CLASP2: variants seen among roughly 807,000 people sequenced by gnomAD.
CLASP2 encodes CLIP-associating protein 2.
CLASP2 carries 47 observed loss-of-function variants against 194.4 expected under a neutral mutation model. The observed-to-expected ratio is 0.24, with a 90% CI of 0.19 to 0.31. The LOEUF (loss-of-function observed/expected upper bound fraction) is 0.31. Ranked by LOEUF, CLASP2 falls within the 10% of genes least tolerant of loss-of-function variation. CLASP2 has a pLI of 1.00. For missense variants in CLASP2, 1,445 were observed against 1,823.6 expected (o/e 0.79, Z 3.78); for synonymous variants, 619 against 633.5 (o/e 0.98, Z 0.34).
chr3:33,698,237 T>C (rs2092099637), intron 1 of CLASP2, among the ~76,000 whole-genome samples: 1 of 152,136 alleles, frequency 6.6e-6, no homozygotes. Flanking sequence ...TCAAACACTG[T>C]TACGCCTAAG....
chr3:33,626,779 G>C (rs189788816), intron 10 of CLASP2, among the ~76,000 whole-genome samples: 12 of 144,882 alleles, frequency 8.3e-5, no homozygotes, highest in Non-Finnish European at 1.8e-4. Context: ...TGTAGGATAG[G>C]CACCACCTGA....
chr3:33,520,240 G>A (rs1369114786), intron 34 of CLASP2, among the ~76,000 whole-genome samples: 6 of 152,128 alleles, frequency 3.9e-5, no homozygotes, highest in African/African-American at 1.4e-4. Flanking sequence ...TCCTGACCTC[G>A]GGTGATCTGC....
intron 34 of CLASP2, among the ~76,000 whole-genome samples, chr3:33,524,767 A>G (rs1230913030): frequency 6.6e-6 from 1 of 152,272 alleles, no homozygotes; most frequent in Non-Finnish European, 1.5e-5. Context: ...ATATGCATCA[A>G]GAATAAATAA....
chr3:33,690,222 A>C (rs903527768), intron 2 of CLASP2, among the ~76,000 whole-genome samples: 1 of 152,204 alleles, frequency 6.6e-6, no homozygotes, highest in Non-Finnish European at 1.5e-5. Context: ...GTAGAATTCA[A>C]AGGGAACAGG....
chr3:33,680,735 C>T (rs1048579673), intron 6 of CLASP2, among the ~76,000 whole-genome samples: 1 of 151,984 alleles, frequency 6.6e-6, no homozygotes, highest in African/African-American at 2.4e-5. Context: ...TGCTTGGGGC[C>T]AAGAGGTTGA....
intron 18 of CLASP2, chr3:33,602,406 C>T (rs2072505204): frequency 3.0e-6 from 2 of 661,510 alleles, no homozygotes; most frequent in African/African-American, 1.8e-5. Context: ...TCCAGCAGTA[C>T]TACCCAAAAG....
At chr3:33,507,198 G>A (rs1044982649) in intron 37 of CLASP2, among the ~76,000 whole-genome samples, 7 of 151,960 alleles carry the variant, frequency 4.6e-5, no homozygotes, top group African/African-American at 1.2e-4. Context: ...CAGCTTCCCA[G>A]AGTGCTGGGA....
intron 28 of CLASP2, among the ~76,000 whole-genome samples, chr3:33,559,879 A>T (rs1275701873): frequency 1.3e-5 from 2 of 152,082 alleles, no homozygotes; most frequent in Non-Finnish European, 2.9e-5. Flanking sequence ...GGGCAACAAG[A>T]GTGAAACTCC....
chr3:33,531,392 A>G (rs1339736121), intron 34 of CLASP2, among the ~76,000 whole-genome samples: 1 of 152,230 alleles, frequency 6.6e-6, no homozygotes, highest in Non-Finnish European at 1.5e-5. Flanking sequence ...AGGAATAGAA[A>G]AGACATTTTT....
chr3:33,507,876 C>G (rs2048701897), intron 37 of CLASP2, among the ~76,000 whole-genome samples: 2 of 151,994 alleles, frequency 1.3e-5, no homozygotes, highest in African/African-American at 4.8e-5. Flanking sequence ...ATTATATACC[C>G]TGCCGCAACA....
At chr3:33,615,020 G>T (rs1214526999) in intron 12 of CLASP2, among the ~76,000 whole-genome samples, 1 of 151,956 alleles carries the variant, frequency 6.6e-6, no homozygotes, top group African/African-American at 2.4e-5. Context: ...AAGTGAACCT[G>T]AAGTTCAACG....
chr3:33,624,289 C>A (rs1218673545), intron 10 of CLASP2, among the ~76,000 whole-genome samples: 2 of 151,770 alleles, frequency 1.3e-5, no homozygotes, highest in African/African-American at 4.8e-5. Flanking sequence ...TAAAAAAACC[C>A]TGCTATGGAC....
At chr3:33,678,790 T>C (rs963237473) in intron 6 of CLASP2, among the ~76,000 whole-genome samples, 9 of 152,330 alleles carry the variant, frequency 5.9e-5, no homozygotes, top group Middle Eastern at 3.4e-3. Flanking sequence ...AATTGAGACA[T>C]ATTCCACATT....
Position 33,501,909 on chromosome 3 carries a change from T to C in CLASP2, c.4318-141A>G, listed in dbSNP as rs1575564975. 3 of 615,422 alleles carry C rather than the reference T, an allele frequency of 4.9e-6. No individual in the cohort carries two copies. In the East Asian group the frequency reaches 8.4e-5, roughly 17 times the overall value. 38.1% of individuals were successfully genotyped at this position (615,422 alleles called of 1,614,324 possible). ...AAAGTGCAGATCAAAGTTAACTTTT[T>C]AACCTTTTCAAGCATAGACAATGCC... On this transcript the variant is annotated intron_variant, in intron 37 of 38. Coordinates refer to ENST00000682230, the MANE Select transcript of CLASP2 (RefSeq NM_001365631.1).
At position 33,607,479 on chromosome 3, in the gene CLASP2, T is replaced by C. The variant is rs1217542272; in HGVS notation, c.1449-18A>G. On this transcript the variant is annotated intron_variant, in intron 14 of 38. Coordinates refer to ENST00000682230, the MANE Select transcript of CLASP2 (RefSeq NM_001365631.1). Reference sequence around the variant, plus strand: ...CTGCATGTCTATAAAATAAAATACATCTTTAGAGTTATGATATAGCTGTAT... The same window carrying C: ...CTGCATGTCTATAAAATAAAATACACCTTTAGAGTTATGATATAGCTGTAT... 2 of 1,554,584 alleles carry C rather than the reference T, an allele frequency of 1.3e-6. No homozygotes were observed. Among genetic ancestry groups the C allele is most frequent in the Middle Eastern group, 1.7e-4 (1 of 5,912 alleles).
At chr3:33,573,431 A>G in intron 24 of CLASP2, 77 bp from the exon 25 acceptor site, 1 of 1,442,174 alleles carries the variant, frequency 6.9e-7, no homozygotes, top group Non-Finnish European at 9.6e-7. Context: ...TGACCACAAA[A>G]GGATTGATTT....
chr3:33,570,952 G>C, intron 25 of CLASP2, among the ~76,000 whole-genome samples, 162 bp from the exon 26 acceptor site: 1 of 150,004 alleles, frequency 6.7e-6, no homozygotes, highest in Non-Finnish European at 1.5e-5. Context: ...GAGGTGAGAG[G>C]CTCGCTTGAG....
At chr3:33,662,430 C>A (rs2085450106) in intron 7 of CLASP2, among the ~76,000 whole-genome samples, 1 of 152,178 alleles carries the variant, frequency 6.6e-6, no homozygotes, top group South Asian at 2.1e-4. Context: ...AAAACACTTT[C>A]TATTCAGAGA....
At chr3:33,673,058 C>A (rs2087695121) in intron 6 of CLASP2, among the ~76,000 whole-genome samples, 1 of 152,160 alleles carries the variant, frequency 6.6e-6, no homozygotes, top group South Asian at 2.1e-4. Flanking sequence ...TCTAGCAAGG[C>A]AGGCCAACAT....
Sources: gnomAD v4.1 joint callset for allele counts (sites outside exome capture counted in the v4.1 genomes callset) on GRCh38, gnomAD v4.1.1 for gene constraint, MANE v1.5 for transcripts, NCBI Gene and HGNC (gene_info 2026-07-23, HGNC 2026-07-21) for gene names.